PRELID3A: variants seen among roughly 807,000 people sequenced by gnomAD.
The protein encoded by PRELID3A is PRELI domain containing 3A, also known as PRELI domain containing protein 3A.
In PRELID3A, 27 loss-of-function variants were observed where a neutral mutation model predicts 23.0. The ratio of observed to expected loss-of-function variants is 1.17; its 90% CI spans 0.87 to 1.62. PRELID3A has a LOEUF of 1.62. Ranked by LOEUF, PRELID3A falls within the 40% of genes most tolerant of loss-of-function variation. PRELID3A has a pLI of 0.00. For missense variants in PRELID3A, 231 were observed against 231.4 expected (o/e 1.00, Z 0.01); for synonymous variants, 87 against 86.4 (o/e 1.01, Z -0.04).
chr18:12,417,728 A>T (rs531271995), intron 1 of PRELID3A, among the ~76,000 whole-genome samples: 1 of 152,150 alleles, frequency 6.6e-6, no homozygotes, highest in Non-Finnish European at 1.5e-5. Context: ...CCTTACCTAG[A>T]TCTGGGGTCT....
At chr18:12,420,204 G>A in intron 1 of PRELID3A, 121 bp from the exon 2 acceptor site, 1 of 1,446,970 alleles carries the variant, frequency 6.9e-7, no homozygotes, top group Non-Finnish European at 9.1e-7. Flanking sequence ...TGTCGGACCA[G>A]CCTTTCATTA....
In PRELID3A at chr18:12,429,418, G is replaced by A; in HGVS notation, c.*15G>A. ...CTGTGAGCTAAGGAGGCCTGTGCCTGTGCTTGTCATAAATGGTGGTGAGTA... is the reference window on the plus strand; with the variant it reads ...CTGTGAGCTAAGGAGGCCTGTGCCTATGCTTGTCATAAATGGTGGTGAGTA... On this transcript the variant is annotated 3_prime_UTR_variant, in exon 6 of 7. Transcript: ENST00000440960. 3 of 1,612,438 alleles carry A rather than the reference G, an allele frequency of 1.9e-6. No individual in the cohort carries two copies. The highest frequency in any genetic ancestry group is 1.7e-6 in the Non-Finnish European group (2 of 1,178,838).
chr18:12,410,424 G>A (rs753592813), intron 1 of PRELID3A, among the ~76,000 whole-genome samples: 4 of 152,192 alleles, frequency 2.6e-5, no homozygotes, highest in African/African-American at 4.8e-5. Context: ...GTGGCTGGCC[G>A]AGGATGCTGT....
chr18:12,411,718 G>A (rs1228857877), intron 1 of PRELID3A, among the ~76,000 whole-genome samples: 1 of 152,054 alleles, frequency 6.6e-6, no homozygotes, highest in African/African-American at 2.4e-5. Context: ...CTAGGAGCAG[G>A]GAAGAGAAAT....
intron 1 of PRELID3A, among the ~76,000 whole-genome samples, chr18:12,408,415 G>A (rs1251154486): frequency 7.2e-5 from 11 of 152,132 alleles, no homozygotes; most frequent in Admixed American, 7.2e-4. Flanking sequence ...AGGCCTGCAA[G>A]CTGGCGCCTT....
chr18:12,423,621 C>T (rs912611842), intron 3 of PRELID3A, among the ~76,000 whole-genome samples: 1 of 152,144 alleles, frequency 6.6e-6, no homozygotes, highest in Admixed American at 6.5e-5. Flanking sequence ...GTGGAGTGTC[C>T]AGCCTGAAGC....
chr18:12,421,693 C>T, intron 3 of PRELID3A, 64 bp downstream of exon 3: 2 of 1,064,732 alleles, frequency 1.9e-6, no homozygotes, highest in East Asian at 2.4e-5. Flanking sequence ...GTAAGGCCTT[C>T]GTTTAATTCT....
intron 1 of PRELID3A, among the ~76,000 whole-genome samples, chr18:12,414,800 T>C (rs1426954670): frequency 6.6e-6 from 1 of 151,260 alleles, no homozygotes; most frequent in African/African-American, 2.4e-5. Context: ...ACAACAGTTA[T>C]GTCTGGAAAA....
At chr18:12,423,320 C>T (rs897372924) in intron 3 of PRELID3A, among the ~76,000 whole-genome samples, 3 of 151,960 alleles carry the variant, frequency 2.0e-5, no homozygotes, top group Admixed American at 6.6e-5. Context: ...GTGAGGTAGC[C>T]GGGTTGTGTG....
In PRELID3A at chr18:12,412,245, T is replaced by G. The variant is rs57480277; in HGVS notation, c.32+4238T>G. Among the ~76,000 whole-genome samples the G allele has an allele frequency of 3.8e-3, 553 of 147,316 alleles. 4 individuals are homozygous for G. Among genetic ancestry groups the G allele is most frequent in the African/African-American group, 0.013 (520 of 39,432 alleles). ...CTCTGTTACCCAGGCTGGAGGGCAG[T>G]GGCGGGATCTCAGTTCACTGCAACC... On this transcript the variant is annotated intron_variant, in intron 1 of 6. Transcript: ENST00000440960.
chr18:12,426,502 C>T (rs7243034), intron 3 of PRELID3A, among the ~76,000 whole-genome samples: 75,103 of 144,710 alleles, frequency 0.52, 19,681 homozygotes, highest in Middle Eastern at 0.75. Flanking sequence ...TTCAGTGAGC[C>T]GAGATCGCGC....
intron 3 of PRELID3A, among the ~76,000 whole-genome samples, chr18:12,426,249 A>G (rs1304470179): frequency 6.6e-6 from 1 of 151,120 alleles, no homozygotes; most frequent in East Asian, 2.0e-4. Flanking sequence ...AAAAAATAAG[A>G]GAGAAAAAGA....
At chr18:12,426,330 G>A (rs144084361) in intron 3 of PRELID3A, among the ~76,000 whole-genome samples, 8,202 of 149,860 alleles carry the variant, frequency 0.055, 760 homozygotes, top group African/African-American at 0.19. Context: ...CAAGGCGGGC[G>A]GATCACGAGG....
At chr18:12,408,734 AGAT>A in intron 1 of PRELID3A, among the ~76,000 whole-genome samples, 1 of 151,624 alleles carries the variant, frequency 6.6e-6, no homozygotes, top group East Asian at 1.9e-4. Flanking sequence ...GTGGAACGTC[AGAT>A]GATGGAGACT....
intron 1 of PRELID3A, among the ~76,000 whole-genome samples, chr18:12,416,866 C>T (rs1213728172): frequency 1.3e-5 from 2 of 151,924 alleles, no homozygotes; most frequent in African/African-American, 4.8e-5. Context: ...AGGATGGTCT[C>T]GATCTCCTGA....
intron 2 of PRELID3A, 144 bp downstream of exon 2, chr18:12,420,637 T>C (rs1388004310): frequency 2.7e-6 from 2 of 749,158 alleles, no homozygotes; most frequent in Non-Finnish European, 3.7e-6. Context: ...GGGCCTTTCC[T>C]GAGATCAGGG....
At chr18:12,427,924 A>C (rs1476599659) in intron 5 of PRELID3A, among the ~76,000 whole-genome samples, 2 of 152,148 alleles carry the variant, frequency 1.3e-5, no homozygotes, top group Admixed American at 1.3e-4. Context: ...GGCAACTACC[A>C]CTTCAAAGAG....
intron 1 of PRELID3A, chr18:12,410,603 T>C (rs1172128443): frequency 6.6e-6 from 1 of 152,256 alleles, no homozygotes; most frequent in East Asian, 1.9e-4. Context: ...TTTTTTTCCT[T>C]TGAGGATTAT....
In PRELID3A at chr18:12,408,002, GT is replaced by G; in HGVS notation, c.30del (p.Phe10LeufsTer20). On this transcript the variant is annotated frameshift_variant, in exon 1 of 7. Transcript: ENST00000440960. LOFTEE classifies it high-confidence loss of function. The stretch of plus-strand genomic sequence containing the variant: ...TGAAGATCTGGAGCTCGGAGCACGT[GT>G]TTGGGTGAGGCCGGGCTGAGGGCCG... MKIWSSEHV[F>X]GHPWDTVIQA... 1 of 1,289,394 alleles carries G rather than the reference GT, an allele frequency of 7.8e-7. No homozygotes were observed. The allele number at this position is 1,289,394 out of a possible 1,614,324, so 79.9% of individuals were successfully genotyped here.
Sources: allele counts gnomAD v4.1 joint callset (sites outside exome capture counted in the v4.1 genomes callset), GRCh38; gene constraint gnomAD v4.1.1; transcripts MANE v1.5; gene names NCBI Gene and HGNC (gene_info 2026-07-23, HGNC 2026-07-21).